Variants in VWA8 observed in about 807,000 individuals in gnomAD.
VWA8 encodes the protein von Willebrand factor A domain containing 8, also known as von Willebrand factor A domain-containing protein 8.
VWA8 carries 221 observed loss-of-function variants against 241.5 expected under a neutral mutation model. The observed-to-expected ratio is 0.91, with a 90% CI of 0.82 to 1.02. VWA8 has a LOEUF of 1.02. Ranked by LOEUF, VWA8 falls within the 50% of genes least tolerant of loss-of-function variation. The pLI is 0.00. For synonymous variants in VWA8, 852 were observed against 827.1 expected, an observed-to-expected ratio of 1.03 and a Z score of -0.52; for missense variants, 2,322 against 2,328.7, an observed-to-expected ratio of 1.00 and a Z score of 0.06.
intron 20 of VWA8, among the ~76,000 whole-genome samples, chr13:41,762,772 C>T (rs2045749829): frequency 6.6e-6 from 1 of 152,082 alleles, no homozygotes; most frequent in Non-Finnish European, 1.5e-5. Context: ...TTATTGAGCG[C>T]CACAGGGGGT....
chr13:41,719,908 G>A (rs555815802), intron 25 of VWA8, among the ~76,000 whole-genome samples, 166 bp from the exon 26 acceptor site: 23 of 152,198 alleles, frequency 1.5e-4, no homozygotes, highest in African/African-American at 5.5e-4. Context: ...CCCTTTCAGT[G>A]TTTGCTCAGA....
chr13:41,839,061 G>A (rs980865904), intron 12 of VWA8, among the ~76,000 whole-genome samples: 3 of 152,082 alleles, frequency 2.0e-5, no homozygotes, highest in Non-Finnish European at 4.4e-5. Context: ...AGATCCTTGA[G>A]GAATTGCCAC....
At chr13:41,828,292 A>G (rs1259087439) in intron 14 of VWA8, among the ~76,000 whole-genome samples, 1 of 152,214 alleles carries the variant, frequency 6.6e-6, no homozygotes, top group Non-Finnish European at 1.5e-5. Flanking sequence ...ATTATCTTTT[A>G]CGGGATTTAA....
chr13:41,730,583 A>G (rs1003318013), intron 22 of VWA8, among the ~76,000 whole-genome samples: 1 of 152,156 alleles, frequency 6.6e-6, no homozygotes, highest in African/African-American at 2.4e-5. Flanking sequence ...GGGAAGAGGA[A>G]AAAGGAAAAA....
At chr13:41,655,673 T>C (rs1381671314) in intron 37 of VWA8, among the ~76,000 whole-genome samples, 1 of 152,234 alleles carries the variant, frequency 6.6e-6, no homozygotes, top group African/African-American at 2.4e-5. Flanking sequence ...GGTGAACATA[T>C]GCTCCTTTTA....
chr13:41,679,588 G>T (rs1474599887), intron 35 of VWA8, among the ~76,000 whole-genome samples: 2 of 152,178 alleles, frequency 1.3e-5, no homozygotes, highest in African/African-American at 4.8e-5. Context: ...AAGAAAAACA[G>T]TTGGAAGAAA....
Position 41,663,853 on chromosome 13 carries a change from G to A in VWA8, c.4611+7093C>T, listed in dbSNP as rs149632776. On this transcript the variant is annotated intron_variant, in intron 37 of 44. Coordinates refer to ENST00000379310, the MANE Select transcript of VWA8 (RefSeq NM_015058.2). ...TGTAGAAAAATTGTTAAATTGAACC[G>A]TCGTTAAGTCGGGGACTGTCTGTAT... Among the ~76,000 whole-genome samples the A allele has an allele frequency of 1.7e-3, 253 of 151,276 alleles. 2 individuals are homozygous for A. Among genetic ancestry groups the A allele is most frequent in the African/African-American group, 5.9e-3 (245 of 41,338 alleles).
In VWA8 at chr13:41,637,702, T is replaced by G. The variant is rs567366336; in HGVS notation, c.4612-22618A>C. On this transcript the variant is annotated intron_variant, in intron 37 of 44. Transcript: ENST00000379310. Reference sequence around the variant, plus strand: ...ATAAAAAACAAATTAACAATCCAACTCAATCTTTAAGTATGACTAGAATTT... The same window carrying G: ...ATAAAAAACAAATTAACAATCCAACGCAATCTTTAAGTATGACTAGAATTT... Among the ~76,000 whole-genome samples the G allele has an allele frequency of 1.4e-4, 21 of 152,326 alleles. 1 individual carries two copies. The South Asian group carries it at 4.4e-3, about 32-fold the overall frequency.
chr13:41,744,880 C>G (rs1304044388), intron 21 of VWA8, among the ~76,000 whole-genome samples: 1 of 151,972 alleles, frequency 6.6e-6, no homozygotes. Context: ...CTCTGTCACC[C>G]AGGCTGGAGT....
intron 13 of VWA8, among the ~76,000 whole-genome samples, chr13:41,832,238 A>AT (rs1229392504): frequency 6.6e-6 from 1 of 152,144 alleles, no homozygotes; most frequent in African/African-American, 2.4e-5. Flanking sequence ...CGGCATCAGT[A>AT]TTTTTTAATT....
At chr13:41,651,797 C>A (rs979097129) in intron 37 of VWA8, among the ~76,000 whole-genome samples, 1 of 152,070 alleles carries the variant, frequency 6.6e-6, no homozygotes, top group African/African-American at 2.4e-5. Flanking sequence ...GCTTAGGGAA[C>A]CTAAGGGACT....
intron 2 of VWA8, among the ~76,000 whole-genome samples, chr13:41,949,394 A>G (rs1878016305): frequency 6.6e-6 from 1 of 152,100 alleles, no homozygotes; most frequent in Non-Finnish European, 1.5e-5. Flanking sequence ...CAAACACTGT[A>G]TGTTCTCACT....
At position 41,783,877 on chromosome 13, in the gene VWA8, C is replaced by A; in HGVS notation, c.2195G>T (p.Arg732Met). The A allele has an allele frequency of 6.2e-7, 1 of 1,613,546 alleles. No individual in the cohort carries two copies. The highest frequency in any genetic ancestry group is 8.5e-7 in the Non-Finnish European group (1 of 1,179,756). ...YKCEVTSGTL[R>M]IGAVSAPIYN... ...GATCGGTGCACTAACAGCACCAATC[C>A]TCAGAGTTCCAGATGTTACTTCACC... The change falls in exon 19 of 45, where the codon AGG (arginine) becomes ATG (methionine). Residue 732 changes from arginine to methionine, a missense_variant. Arg to Met is a moderately conservative substitution (Grantham distance 91). Transcript: ENST00000379310.
intron 21 of VWA8, among the ~76,000 whole-genome samples, chr13:41,760,501 G>A (rs1411515023): frequency 6.6e-6 from 1 of 151,480 alleles, no homozygotes; most frequent in Non-Finnish European, 1.5e-5. Context: ...GCTTTAAGTT[G>A]TTCATTACTT....
intron 25 of VWA8, among the ~76,000 whole-genome samples, chr13:41,720,850 GT>G (rs2045384054): frequency 6.6e-6 from 1 of 151,960 alleles, no homozygotes; most frequent in African/African-American, 2.4e-5. Context: ...TTATTTGTTT[GT>G]TTTCTTTACT....
chr13:41,923,650 T>C (rs1876675724), intron 2 of VWA8, among the ~76,000 whole-genome samples: 1 of 152,032 alleles, frequency 6.6e-6, no homozygotes, highest in African/African-American at 2.4e-5. Flanking sequence ...GATACCCTCA[T>C]CTAAGACTCT....
In VWA8 at chr13:41,680,872, T is replaced by C. The variant is rs145465847; in HGVS notation, c.4327+4175A>G. Among the ~76,000 whole-genome samples the C allele has an allele frequency of 7.2e-5, 11 of 152,268 alleles. No homozygotes were observed. In the East Asian group the frequency reaches 1.4e-3, roughly 19 times the overall value. ...CACTGACAAATAACAGATGAATAAA[T>C]TGTTGTATGTGAAGCAGTGAAAATA... On this transcript the variant is annotated intron_variant, in intron 35 of 44. Transcript: ENST00000379310.
At chr13:41,767,035 C>T (rs1312413260) in intron 20 of VWA8, among the ~76,000 whole-genome samples, 1 of 152,162 alleles carries the variant, frequency 6.6e-6, no homozygotes, top group African/African-American at 2.4e-5. Context: ...TTGCCACTGC[C>T]AGCATTCAGC....
chr13:41,870,500 G>A (rs1047589455), intron 9 of VWA8, among the ~76,000 whole-genome samples: 4 of 151,900 alleles, frequency 2.6e-5, no homozygotes, highest in African/African-American at 4.8e-5. Context: ...TTAGCTGGGC[G>A]TGGTGGCATG....
Sources: gnomAD v4.1 joint callset for allele counts (sites outside exome capture counted in the v4.1 genomes callset) on GRCh38, gnomAD v4.1.1 for gene constraint, MANE v1.5 for transcripts, NCBI Gene and HGNC (gene_info 2026-07-23, HGNC 2026-07-21) for gene names.